SUMF2: variants seen among roughly 807,000 people sequenced by gnomAD.
The protein encoded by SUMF2 is sulfatase modifying factor 2, also known as inactive C-alpha-formylglycine-generating enzyme 2.
A neutral mutation model predicts 44.8 loss-of-function variants in SUMF2; 45 were observed. The observed-to-expected ratio is 1.00, with a 90% CI of 0.79 to 1.29. The LOEUF (loss-of-function observed/expected upper bound fraction) is 1.29, where lower values mean the gene tolerates loss of function less well. Ranked by LOEUF, SUMF2 falls within the 50% of genes most tolerant of loss-of-function variation. The pLI, the probability that SUMF2 is intolerant of heterozygous loss-of-function variation, is 0.00. For missense variants in SUMF2, 418 were observed against 389.9 expected (o/e 1.07, Z -0.61); for synonymous variants, 148 against 150.4 (o/e 0.98, Z 0.12).
chr7:56,073,849 A>C (rs913983307), intron 3 of SUMF2: 2 of 319,090 alleles, frequency 6.3e-6, no homozygotes, highest in African/African-American at 4.4e-5. Flanking sequence ...TCTACAAAAA[A>C]AAGAAAAAAA....
intron 2 of SUMF2, among the ~76,000 whole-genome samples, chr7:56,071,317 A>G (rs1453043431): frequency 6.6e-6 from 1 of 152,158 alleles, no homozygotes; most frequent in Admixed American, 6.5e-5. Context: ...TGATTATGCC[A>G]CTGCACTGCA....
chr7:56,066,949 G>C (rs1162782924), intron 1 of SUMF2, among the ~76,000 whole-genome samples: 2 of 152,122 alleles, frequency 1.3e-5, no homozygotes, highest in Non-Finnish European at 2.9e-5. Flanking sequence ...ATTTTCTGAG[G>C]CATTCATACA....
intron 5 of SUMF2, 186 bp downstream of exon 5, chr7:56,074,922 A>C: frequency 3.1e-6 from 2 of 636,188 alleles, no homozygotes; most frequent in Non-Finnish European, 5.1e-6. Context: ...ATATAGGGAG[A>C]CCCTGTCTCT....
At chr7:56,065,466 A>G (rs569000443) in intron 1 of SUMF2, among the ~76,000 whole-genome samples, 20 of 152,354 alleles carry the variant, frequency 1.3e-4, no homozygotes, top group East Asian at 9.6e-4. Flanking sequence ...AGATTCATCT[A>G]TTATCTCATA....
chr7:56,084,198 C>T, downstream of SUMF2: 3 of 1,535,002 alleles, frequency 2.0e-6, no homozygotes, highest in Non-Finnish European at 2.6e-6. Flanking sequence ...GAGTCCCAGC[C>T]CAAGCACCAT....
chr7:56,073,313 C>A, intron 3 of SUMF2: 2 of 634,146 alleles, frequency 3.2e-6, no homozygotes, highest in South Asian at 1.6e-5. Context: ...TAGCTCTTGC[C>A]TAAATGTCCA....
intron 5 of SUMF2, among the ~76,000 whole-genome samples, chr7:56,075,023 A>G (rs1795445609): frequency 6.6e-6 from 1 of 151,904 alleles, no homozygotes; most frequent in Admixed American, 6.6e-5. Context: ...CTTTGAGCCT[A>G]GGAGTTCAAA....
chr7:56,070,121 C>T (rs1185440416), intron 2 of SUMF2, among the ~76,000 whole-genome samples: 1 of 151,936 alleles, frequency 6.6e-6, no homozygotes, highest in Non-Finnish European at 1.5e-5. Context: ...GTTGGTCAGG[C>T]TGGTCTTGAA....
At position 56,079,554 on chromosome 7, in the gene SUMF2, C is replaced by T; in HGVS notation, c.848C>T (p.Ser283Leu). The T allele has an allele frequency of 6.2e-7, 1 of 1,613,902 alleles. No individual in the cohort carries two copies. The highest frequency in any genetic ancestry group is 8.5e-7 in the Non-Finnish European group (1 of 1,179,780). ...TRMGNTPDSASDNLGFRCAAD... is the reference protein window; with the variant it reads ...TRMGNTPDSALDNLGFRCAAD... The stretch of plus-strand genomic sequence containing the variant: ...ATGGGCAACACTCCAGATTCAGCCT[C>T]AGACAACCTCGGTTTCCGCTGTGCT... Residue 283 changes from serine to leucine, a missense_variant, in exon 9 of 9, where the codon TCA (serine) becomes TTA (leucine). Ser to Leu is a moderately radical substitution (Grantham distance 145, BLOSUM62 -2). Transcript: ENST00000434526.
intron 5 of SUMF2, 71 bp downstream of exon 5, chr7:56,074,807 G>T: frequency 6.3e-7 from 1 of 1,589,462 alleles, no homozygotes; most frequent in African/African-American, 1.3e-5. Context: ...GCTTTAAAGG[G>T]TGGAAAGGGG....
chr7:56,073,894 A>G (rs1379575064), intron 3 of SUMF2: 48 of 521,010 alleles, frequency 9.2e-5, no homozygotes, highest in Non-Finnish European at 1.0e-5. Flanking sequence ...GCACACCTGT[A>G]GTCCCAGCTA....
At chr7:56,070,060 C>T (rs1258925993) in intron 2 of SUMF2, among the ~76,000 whole-genome samples, 2 of 151,896 alleles carry the variant, frequency 1.3e-5, no homozygotes, top group Admixed American at 6.6e-5. Flanking sequence ...AGGCATGCAC[C>T]ACCACGCCCA....
downstream of SUMF2, chr7:56,084,368 CG>C: frequency 1.9e-6 from 1 of 525,322 alleles, no homozygotes; most frequent in South Asian, 2.6e-5. Flanking sequence ...GTGAGTATCC[CG>C]ATTTTTTTTT....
intron 1 of SUMF2, among the ~76,000 whole-genome samples, chr7:56,067,946 C>T (rs1038758467): frequency 2.7e-5 from 4 of 150,014 alleles, no homozygotes; most frequent in African/African-American, 9.8e-5. Flanking sequence ...AGTAATTTGC[C>T]TAAGGTTTCC....
Position 56,079,844 on chromosome 7 carries a change from G to A in SUMF2, c.*232G>A, listed in dbSNP as rs1190203682. 1.3e-6 allele frequency: 2 copies of A among 1,550,546 alleles called. No individual in the cohort carries two copies. The highest frequency in any genetic ancestry group is 2.4e-5 in the South Asian group (2 of 84,004). On this transcript the variant is annotated 3_prime_UTR_variant, in exon 9 of 9. Transcript: ENST00000434526. ...TGTTGACGATGGCTGGGGGCCAGGTGTTTCTGTTAGAGGCCAAGTATTATT... is the reference window on the plus strand; with the variant it reads ...TGTTGACGATGGCTGGGGGCCAGGTATTTCTGTTAGAGGCCAAGTATTATT...
downstream of SUMF2, chr7:56,081,196 C>T (rs763494578): frequency 3.2e-5 from 52 of 1,613,788 alleles, no homozygotes; most frequent in East Asian, 6.7e-5. This position sits in a 1 kb window ranked among gnomAD's most constrained non-coding sequence, Gnocchi z 4.6. Context: ...GCGCAGAGGC[C>T]GGAGGGCATA....
At chr7:56,082,034 G>A (rs775883923), downstream of SUMF2, 107 of 1,612,856 alleles carry the variant, frequency 6.6e-5, no homozygotes, top group Non-Finnish European at 8.7e-5. Flanking sequence ...ACATGATGAC[G>A]CCAGTGCTCC....
Position 56,076,833 on chromosome 7 carries a change from G to T in SUMF2, c.536-1G>T, listed in dbSNP as rs1376701315. 1 of 1,595,780 alleles carries T rather than the reference G, an allele frequency of 6.3e-7. No homozygotes were observed. Among genetic ancestry groups the T allele is most frequent in the Non-Finnish European group, 8.5e-7 (1 of 1,170,320 alleles). On this transcript the variant is annotated splice_acceptor_variant, in intron 5 of 8. Coordinates refer to ENST00000434526, the MANE Select transcript of SUMF2 (RefSeq NM_015411.4). LOFTEE classifies it high-confidence loss of function. Reference sequence around the variant, plus strand: ...CTGCTGCCTCCTTGCTCTCCTCGCAGGTCAAGTTTACCCATGGGGGAACTG... The same window carrying T: ...CTGCTGCCTCCTTGCTCTCCTCGCATGTCAAGTTTACCCATGGGGGAACTG...
chr7:56,087,823 G>A, the SUMF2 span: 11 of 1,513,050 alleles, frequency 7.3e-6, no homozygotes, highest in Admixed American at 1.7e-5. Context: ...CTCACCCCAT[G>A]GGGGGTCCCA....
Sources: gnomAD v4.1 joint callset for allele counts (sites outside exome capture counted in the v4.1 genomes callset) on GRCh38, gnomAD v4.1.1 for gene constraint, Gnocchi (gnomAD v3.1) non-coding constraint, MANE v1.5 for transcripts, NCBI Gene and HGNC (gene_info 2026-07-23, HGNC 2026-07-21) for gene names.